CACNA1C: variants seen among roughly 807,000 people sequenced by gnomAD.
CACNA1C encodes the protein calcium voltage-gated channel subunit alpha1 C.
A neutral mutation model predicts 229.0 loss-of-function variants in CACNA1C; 30 were observed. The observed-to-expected ratio is 0.13, with a 90% CI of 0.10 to 0.18. The LOEUF (loss-of-function observed/expected upper bound fraction) is 0.18. Among genes scored for constraint, CACNA1C ranks in the 10% least tolerant of loss-of-function variants. The pLI, the probability that CACNA1C is intolerant of heterozygous loss-of-function variation, is 1.00. For missense variants in CACNA1C, 1,658 were observed against 2,845.0 expected, an observed-to-expected ratio of 0.58 and a Z score of 9.49; for synonymous variants, 1,114 against 1,132.5, an observed-to-expected ratio of 0.98 and a Z score of 0.33.
chr12:2,661,531 AG>A (rs1259271652), intron 34 of CACNA1C, among the ~76,000 whole-genome samples: 2 of 152,198 alleles, frequency 1.3e-5, no homozygotes, highest in African/African-American at 4.8e-5. Context: ...AAAAGGCCCA[AG>A]GTTCAATATT....
intron 1 of CACNA1C, among the ~76,000 whole-genome samples, chr12:2,114,007 C>T (rs1260138886): frequency 1.3e-5 from 2 of 152,256 alleles, no homozygotes; most frequent in African/African-American, 4.8e-5. Flanking sequence ...CTGCCACTCA[C>T]AGCTCCTTTT....
At chr12:2,236,083 A>G (rs909382491) in intron 3 of CACNA1C, among the ~76,000 whole-genome samples, 7 of 152,166 alleles carry the variant, frequency 4.6e-5, no homozygotes, top group African/African-American at 7.2e-5. Flanking sequence ...GGCTCTATCA[A>G]AGTCTTGCTA....
intron 5 of CACNA1C, among the ~76,000 whole-genome samples, chr12:2,468,550 T>C (rs1597264014): frequency 6.6e-6 from 1 of 152,208 alleles, no homozygotes; most frequent in Non-Finnish European, 1.5e-5. Context: ...TTGGTTTCTG[T>C]TGTTTGGAAG....
intron 1 of CACNA1C, among the ~76,000 whole-genome samples, chr12:2,103,160 A>G (rs1252164676): frequency 1.3e-5 from 2 of 152,216 alleles, no homozygotes; most frequent in Non-Finnish European, 2.9e-5. Context: ...GAATCGCCAC[A>G]CTGTCTTCCA....
intron 30 of CACNA1C, among the ~76,000 whole-genome samples, chr12:2,637,794 T>C (rs2093019672): frequency 6.6e-6 from 1 of 152,226 alleles, no homozygotes; most frequent in African/African-American, 2.4e-5. Context: ...CCCAGGGATA[T>C]GGTCTATTTG....
chr12:2,353,509 G>A (rs916258703), intron 3 of CACNA1C, among the ~76,000 whole-genome samples: 2 of 152,218 alleles, frequency 1.3e-5, no homozygotes, highest in Admixed American at 1.3e-4. Context: ...GAGCCCTGGG[G>A]CTCCCTGCAG....
Position 2,054,060 on chromosome 12 carries a change from G to A in CACNA1C, c.49+449G>A, listed in dbSNP as rs2154504193. Among the ~76,000 whole-genome samples the A allele has an allele frequency of 6.8e-6, 1 of 147,234 alleles. No individual in the cohort carries two copies. Among genetic ancestry groups the A allele is most frequent in the South Asian group, 2.1e-4 (1 of 4,816 alleles). Reference sequence around the variant, plus strand: ...GGGAGCGCGCGCGCGCGCACCCTGCGCCGGCAGAGCCCGGCGCCCACGGCC... The same window carrying A: ...GGGAGCGCGCGCGCGCGCACCCTGCACCGGCAGAGCCCGGCGCCCACGGCC... On this transcript the variant is annotated intron_variant, in intron 1 of 46. Transcript: ENST00000399655. This position sits in a 1 kb window ranked among gnomAD's most constrained non-coding sequence, Gnocchi z 5.5.
In CACNA1C at chr12:2,674,657, G is replaced by T; in HGVS notation, c.4828+15G>T. 6.5e-7 allele frequency: 1 copy of T among 1,550,150 alleles called. No individual in the cohort carries two copies. Among genetic ancestry groups the T allele is most frequent in the Non-Finnish European group, 8.7e-7 (1 of 1,145,924 alleles). The stretch of plus-strand genomic sequence containing the variant: ...CCCTGCAGGTGGTGAGTGCTCCCTG[G>T]ACTCCCGCACCTTGGCCACTGCCTG... On this transcript the variant is annotated intron_variant, in intron 39 of 46. Transcript: ENST00000399655.
chr12:2,283,268 A>G (rs560782794), intron 3 of CACNA1C, among the ~76,000 whole-genome samples: 7 of 152,340 alleles, frequency 4.6e-5, no homozygotes, highest in African/African-American at 1.4e-4. Flanking sequence ...GACACAATCC[A>G]ATTAACTAGC....
Position 2,275,909 on chromosome 12 carries a change from C to T in CACNA1C, c.477+155479C>T, listed in dbSNP as rs1206819223. On this transcript the variant is annotated intron_variant, in intron 3 of 46. Coordinates refer to ENST00000399655, the MANE Select transcript of CACNA1C (RefSeq NM_000719.7). The surrounding 1 kb of genome is among the most constrained non-coding windows in gnomAD (Gnocchi z 4.1). ...GACGGAAAGTCATCAAGCCCAGTTA[C>T]AGTCATCCCTTGGTGTCTGTGGGGA... Among the ~76,000 whole-genome samples the T allele has an allele frequency of 6.6e-6, 1 of 152,128 alleles. No homozygotes were observed. Among genetic ancestry groups the T allele is most frequent in the Non-Finnish European group, 1.5e-5 (1 of 68,022 alleles).
At chr12:2,363,630 T>C (rs1020159870) in intron 3 of CACNA1C, among the ~76,000 whole-genome samples, 1 of 152,036 alleles carries the variant, frequency 6.6e-6, no homozygotes, top group African/African-American at 2.4e-5. Flanking sequence ...TCCTGTTTTC[T>C]AGAGCTTTTT....
At chr12:1,998,953 C>T (rs1162633395) in intron 1 of CACNA1C, among the ~76,000 whole-genome samples, 2 of 152,126 alleles carry the variant, frequency 1.3e-5, no homozygotes, top group Non-Finnish European at 2.9e-5. Flanking sequence ...TTAAAAAAAG[C>T]GTAATGTCAA....
intron 3 of CACNA1C, among the ~76,000 whole-genome samples, chr12:2,182,230 T>C (rs1397213600): frequency 6.6e-6 from 1 of 151,754 alleles, no homozygotes; most frequent in East Asian, 1.9e-4. Flanking sequence ...TAAAATTGTG[T>C]GAGCAAATCA....
chr12:2,377,653 T>G (rs965347015), intron 3 of CACNA1C, among the ~76,000 whole-genome samples: 6 of 152,302 alleles, frequency 3.9e-5, no homozygotes, highest in South Asian at 2.1e-4. Flanking sequence ...TATATGTTCT[T>G]TATCTCCTCC....
intron 1 of CACNA1C, among the ~76,000 whole-genome samples, chr12:2,023,438 A>G (rs2046802025): frequency 6.6e-6 from 1 of 152,144 alleles, no homozygotes; most frequent in African/African-American, 2.4e-5. Flanking sequence ...TGTCACAGGA[A>G]ATTTATGGGT....
chr12:2,598,220 A>T (rs761361541), intron 21 of CACNA1C, among the ~76,000 whole-genome samples: 1 of 152,106 alleles, frequency 6.6e-6, no homozygotes, highest in African/African-American at 2.4e-5. Flanking sequence ...CAGGTGCCGC[A>T]AGGAACCTGA....
intron 6 of CACNA1C, among the ~76,000 whole-genome samples, chr12:2,487,095 C>A (rs2099700780): frequency 6.6e-6 from 1 of 152,120 alleles, no homozygotes; most frequent in Non-Finnish European, 1.5e-5. Context: ...CAGAAATTGA[C>A]AAGGCTTTTA....
intron 3 of CACNA1C, among the ~76,000 whole-genome samples, chr12:2,332,969 G>T (rs1274447424): frequency 6.6e-6 from 1 of 152,344 alleles, no homozygotes; most frequent in African/African-American, 2.4e-5. Context: ...TAGCAATGAA[G>T]TTCTGAGTCT....
At chr12:2,658,844 A>C (rs1169975831) in intron 34 of CACNA1C, among the ~76,000 whole-genome samples, 2 of 72,192 alleles carry the variant, frequency 2.8e-5, no homozygotes, top group Non-Finnish European at 7.7e-5. Context: ...TCAGCTTTTA[A>C]CAAAAAGCTA....
Sources: gnomAD v4.1 joint callset for allele counts (sites outside exome capture counted in the v4.1 genomes callset) on GRCh38, gnomAD v4.1.1 for gene constraint, Gnocchi (gnomAD v3.1) non-coding constraint, MANE v1.5 for transcripts, NCBI Gene and HGNC (gene_info 2026-07-23, HGNC 2026-07-21) for gene names.